Variants in WDR27 observed in about 807,000 individuals in gnomAD.
WDR27 encodes the protein WD repeat-containing protein 27.
Under a neutral mutation model 114.4 loss-of-function variants are expected in WDR27, and 100 were observed. The ratio of observed to expected loss-of-function variants is 0.87; its 90% confidence interval spans 0.74 to 1.03. The LOEUF is 1.03. Among genes scored for constraint, WDR27 ranks in the 50% least tolerant of loss-of-function variants. The probability of loss-of-function intolerance (pLI) is 0.00; values close to 1 mark genes in which losing one functional copy is unlikely to be tolerated. For missense variants in WDR27, 1,129 were observed against 1,092.9 expected (o/e 1.03, Z -0.47); for synonymous variants, 449 against 423.1 (o/e 1.06, Z -0.75).
rs532466383 is a variant in WDR27 at position 169,691,889 on chromosome 6, T to G, written c.-7-2877A>C. Among the ~76,000 whole-genome samples the G allele has an allele frequency of 1.2e-3, 176 of 152,276 alleles. 2 individuals carry two copies. Among genetic ancestry groups the G allele is most frequent in the Non-Finnish European group, 3.1e-4 (21 of 68,008 alleles). Reference sequence around the variant, plus strand: ...GACTAATGTGCATCTCCCACTAGGATGGACTGAAAGGCATGTGGATACTCA... The same window carrying G: ...GACTAATGTGCATCTCCCACTAGGAGGGACTGAAAGGCATGTGGATACTCA... On this transcript the variant is annotated intron_variant, in intron 1 of 25. Transcript: ENST00000448612.
intron 21 of WDR27, among the ~76,000 whole-genome samples, chr6:169,615,425 T>C (rs2128189165): frequency 6.6e-6 from 1 of 152,250 alleles, no homozygotes; most frequent in South Asian, 2.1e-4. Flanking sequence ...CTCTTCTTTG[T>C]GTTCATGAGT....
chr6:169,480,046 T>A (rs1028200311), intron 25 of WDR27, among the ~76,000 whole-genome samples: 7 of 152,096 alleles, frequency 4.6e-5, no homozygotes, highest in African/African-American at 1.7e-4. Context: ...GGGAGAGGCG[T>A]GGGCAGGAAC....
At chr6:169,504,998 T>C (rs1371300060) in intron 25 of WDR27, among the ~76,000 whole-genome samples, 1 of 152,202 alleles carries the variant, frequency 6.6e-6, no homozygotes, top group Non-Finnish European at 1.5e-5. Context: ...TTACTTCATC[T>C]TGCATACTTT....
intron 25 of WDR27, among the ~76,000 whole-genome samples, chr6:169,566,639 C>T (rs1199842990): frequency 1.3e-5 from 2 of 149,908 alleles, no homozygotes; most frequent in Admixed American, 1.3e-4. Flanking sequence ...ACCTGAATTT[C>T]GGGGCCTGTT....
chr6:169,651,363 G>A (rs562379542), intron 14 of WDR27, among the ~76,000 whole-genome samples: 11 of 152,142 alleles, frequency 7.2e-5, no homozygotes, highest in South Asian at 2.1e-4. Context: ...GGTAGGAGGC[G>A]GGGGATATGT....
intron 1 of WDR27, among the ~76,000 whole-genome samples, chr6:169,700,932 T>C (rs1787790431): frequency 6.6e-6 from 1 of 152,156 alleles, no homozygotes; most frequent in Non-Finnish European, 1.5e-5. Flanking sequence ...TCAGGGAAAA[T>C]AAACTAAATT....
At chr6:169,463,146 T>C (rs1785122664) in intron 25 of WDR27, among the ~76,000 whole-genome samples, 1 of 152,182 alleles carries the variant, frequency 6.6e-6, no homozygotes. Context: ...CTGGTTTCCA[T>C]TTCTAAGATG....
At chr6:169,695,111 G>A (rs905692177) in intron 1 of WDR27, among the ~76,000 whole-genome samples, 5 of 152,172 alleles carry the variant, frequency 3.3e-5, no homozygotes, top group Admixed American at 3.3e-4. Flanking sequence ...AAAATATCAA[G>A]AAGGGTAAAC....
At chr6:169,624,051 C>A (rs1472448516) in intron 21 of WDR27, among the ~76,000 whole-genome samples, 1 of 151,978 alleles carries the variant, frequency 6.6e-6, no homozygotes, top group Non-Finnish European at 1.5e-5. Context: ...CGTGTGGGGT[C>A]AGGTGTGCCG....
At chr6:169,529,634 T>G (rs1040549424) in intron 25 of WDR27, among the ~76,000 whole-genome samples, 6 of 152,212 alleles carry the variant, frequency 3.9e-5, no homozygotes, top group Non-Finnish European at 7.3e-5. Context: ...CTAGCTTGTC[T>G]TTCAGTAAAT....
At chr6:169,661,592 T>G (rs1015804513) in intron 9 of WDR27, among the ~76,000 whole-genome samples, 3 of 152,172 alleles carry the variant, frequency 2.0e-5, no homozygotes, top group Non-Finnish European at 4.4e-5. Context: ...GGCTCTGGCT[T>G]AGCTCTGAGG....
chr6:169,645,023 T>TAAAAAAAAAAATAAAAAAAAAAAAAA (rs1820200961), intron 16 of WDR27, among the ~76,000 whole-genome samples: 1 of 46,982 alleles, frequency 2.1e-5, no homozygotes, highest in Non-Finnish European at 3.9e-5. Flanking sequence ...AAAAAAAAAA[T>TAAAAAAAAAAATAAAAAAAAAAAAAA]AAAAAAAAAA....
chr6:169,674,806 T>G (rs1399968873), intron 2 of WDR27, among the ~76,000 whole-genome samples: 1 of 152,160 alleles, frequency 6.6e-6, no homozygotes, highest in Non-Finnish European at 1.5e-5. Flanking sequence ...TTTAATCACC[T>G]GGGTGCAGGC....
intron 21 of WDR27, among the ~76,000 whole-genome samples, 160 bp from the exon 22 acceptor site, chr6:169,613,816 C>T (rs924864994): frequency 2.6e-5 from 4 of 152,150 alleles, no homozygotes; most frequent in African/African-American, 9.7e-5. Flanking sequence ...AAAACTTCTA[C>T]ATAAAGTAGT....
the WDR27 span, among the ~76,000 whole-genome samples, chr6:169,434,721 T>A: frequency 1.3e-5 from 2 of 152,222 alleles, no homozygotes; most frequent in African/African-American, 4.8e-5. Flanking sequence ...ATGTGACTTG[T>A]GTGCTGTTAA....
intron 8 of WDR27, among the ~76,000 whole-genome samples, chr6:169,663,356 C>CA (rs1454375574): frequency 1.5e-4 from 23 of 150,664 alleles, no homozygotes; most frequent in African/African-American, 5.4e-4. Flanking sequence ...AAGTCATCTA[C>CA]AAAAAAACAC....
At chr6:169,627,965 C>G (rs1253178906) in intron 21 of WDR27, among the ~76,000 whole-genome samples, 1 of 152,070 alleles carries the variant, frequency 6.6e-6, no homozygotes, top group East Asian at 1.9e-4. Context: ...CTGTGACACT[C>G]AAAAAATTCC....
chr6:169,692,350 T>C (rs751533306), intron 1 of WDR27, among the ~76,000 whole-genome samples: 5 of 152,186 alleles, frequency 3.3e-5, no homozygotes, highest in African/African-American at 9.7e-5. Flanking sequence ...TAATTTAGAC[T>C]GGGCATGAAC....
intron 24 of WDR27, among the ~76,000 whole-genome samples, chr6:169,581,135 G>T (rs151106203): frequency 2.6e-4 from 39 of 151,758 alleles, no homozygotes; most frequent in African/African-American, 8.9e-4. Flanking sequence ...CTATATTTAC[G>T]CCATATTTGC....
Sources: allele counts gnomAD v4.1 joint callset (sites outside exome capture counted in the v4.1 genomes callset), GRCh38; gene constraint gnomAD v4.1.1; transcripts MANE v1.5; gene names NCBI Gene and HGNC (gene_info 2026-07-23, HGNC 2026-07-21).